CRACD: variants seen among roughly 807,000 people sequenced by gnomAD.
The protein encoded by CRACD is capping protein inhibiting regulator of actin dynamics, also known as capping protein-inhibiting regulator of actin dynamics.
CRACD carries 56 observed loss-of-function variants against 106.8 expected under a neutral mutation model. The observed-to-expected ratio is 0.52, with a 90% CI of 0.42 to 0.66. The LOEUF (loss-of-function observed/expected upper bound fraction) is 0.66. CRACD is among the 30% of genes least tolerant of loss of function. The pLI is 0.00. For missense variants in CRACD, 1,730 were observed against 1,623.2 expected, an observed-to-expected ratio of 1.07 and a Z score of -1.13; for synonymous variants, 754 against 670.8, an observed-to-expected ratio of 1.12 and a Z score of -1.92.
intron 2 of CRACD, among the ~76,000 whole-genome samples, chr4:56,226,035 G>A (rs1472033977): frequency 6.6e-6 from 1 of 152,088 alleles, no homozygotes; most frequent in Non-Finnish European, 1.5e-5. Context: ...ATGGAACCCT[G>A]AAAGTGAAAT....
intron 2 of CRACD, among the ~76,000 whole-genome samples, chr4:56,267,670 T>G (rs1436452765): frequency 6.6e-6 from 1 of 152,132 alleles, no homozygotes; most frequent in Admixed American, 6.5e-5. Flanking sequence ...CCAGTTAGGT[T>G]TTACTGTTCT....
intron 2 of CRACD, among the ~76,000 whole-genome samples, chr4:56,258,142 T>G (rs1224104835): frequency 6.6e-6 from 1 of 151,980 alleles, no homozygotes; most frequent in Non-Finnish European, 1.5e-5. Context: ...AGGTTTCATC[T>G]GCATAAGAAG....
At chr4:56,306,752 T>C (rs1300470491) in intron 4 of CRACD, among the ~76,000 whole-genome samples, 1 of 152,050 alleles carries the variant, frequency 6.6e-6, no homozygotes, top group Non-Finnish European at 1.5e-5. Context: ...TACCCCATTT[T>C]CCCCTCCCTT....
intron 1 of CRACD, among the ~76,000 whole-genome samples, chr4:56,054,282 G>C (rs1205731077): frequency 1.3e-5 from 2 of 152,152 alleles, no homozygotes; most frequent in East Asian, 3.9e-4. Context: ...CTGGGCTCAA[G>C]TGATCCTCCT....
At chr4:56,072,368 G>A (rs566728249) in intron 1 of CRACD, among the ~76,000 whole-genome samples, 4 of 152,188 alleles carry the variant, frequency 2.6e-5, no homozygotes, top group African/African-American at 4.8e-5. Flanking sequence ...AGACTGATTC[G>A]CTTTGTCAGA....
chr4:56,315,573 T>G lies in CRACD; in HGVS notation c.2071T>G (p.Leu691Val). ...SDPRSSERDQ[L>V]RPGDESTPRG... is the part of the protein sequence containing the mutation. Reference sequence around the variant, plus strand: ...CCCGCGCAGCAGCGAGAGGGACCAGTTGAGGCCCGGTGATGAGTCCACTCC... The same window carrying G: ...CCCGCGCAGCAGCGAGAGGGACCAGGTGAGGCCCGGTGATGAGTCCACTCC... The change falls in exon 8 of 11, where the codon TTG (leucine) becomes GTG (valine). Residue 691 changes from leucine (L) to valine (V), a missense_variant. Leu to Val is a conservative substitution (Grantham distance 32). This residue lies in a region of CRACD where 1,620 missense variants were observed against 1,481.6 expected (regional missense o/e 1.09). Coordinates refer to ENST00000682029, the MANE Select transcript of CRACD (RefSeq NM_001393381.1). This position sits in a 1 kb window ranked among gnomAD's most constrained non-coding sequence, Gnocchi z 4.1. The G allele has an allele frequency of 6.2e-7, 1 of 1,614,020 alleles. No homozygotes were observed.
Position 56,329,488 on chromosome 4 carries a change from T to A in CRACD, c.*1684T>A, listed in dbSNP as rs982182564. 1.3e-5 allele frequency among the ~76,000 whole-genome samples: 2 copies of A among 152,228 alleles called. No homozygotes were observed. Among genetic ancestry groups the A allele is most frequent in the Non-Finnish European group, 2.9e-5 (2 of 68,026 alleles). On this transcript the variant is annotated 3_prime_UTR_variant, in exon 11 of 11. Transcript: ENST00000682029. ...TCTAGAAACAATAGCTCAGCCTCAC[T>A]GTAGCAGCTGGCATGTGTGGTCAAG...
chr4:56,226,241 AT>A (rs554720639), intron 2 of CRACD, among the ~76,000 whole-genome samples: 29 of 152,156 alleles, frequency 1.9e-4, no homozygotes, highest in Non-Finnish European at 3.7e-4. Flanking sequence ...ATATTTGATG[AT>A]TTGGTGAACT....
chr4:56,055,012 A>G (rs2899054), intron 1 of CRACD, among the ~76,000 whole-genome samples: 53,347 of 152,106 alleles, frequency 0.35, 10,432 homozygotes, highest in African/African-American at 0.53. Flanking sequence ...CAGAAGCTGC[A>G]TCCCTGAAAC....
At chr4:56,242,001 T>G (rs928122977) in intron 2 of CRACD, among the ~76,000 whole-genome samples, 13 of 152,176 alleles carry the variant, frequency 8.5e-5, no homozygotes, top group African/African-American at 4.8e-5. Flanking sequence ...TGTTAAAAAT[T>G]TTTTATATTA....
chr4:56,122,913 G>T (rs1158876849), intron 1 of CRACD, among the ~76,000 whole-genome samples: 2 of 152,120 alleles, frequency 1.3e-5, no homozygotes, highest in South Asian at 2.1e-4. Context: ...TTGCTATTCT[G>T]CATCTTGGTA....
chr4:56,229,928 C>A (rs953683410), intron 2 of CRACD, among the ~76,000 whole-genome samples: 1 of 152,164 alleles, frequency 6.6e-6, no homozygotes. Context: ...GGAAAAACAA[C>A]TAACAGGGTA....
chr4:56,196,131 A>C (rs976228902), intron 2 of CRACD, among the ~76,000 whole-genome samples: 1 of 152,204 alleles, frequency 6.6e-6, no homozygotes, highest in East Asian at 1.9e-4. Context: ...GTGAAAAGCA[A>C]TAATAATGTC....
chr4:56,165,380 A>G (rs561506876), intron 1 of CRACD, among the ~76,000 whole-genome samples: 2 of 152,330 alleles, frequency 1.3e-5, no homozygotes, highest in Non-Finnish European at 2.9e-5. Flanking sequence ...ACTGTGTGCC[A>G]GGTGCTATGT....
intron 1 of CRACD, among the ~76,000 whole-genome samples, chr4:56,053,739 T>C (rs113224153): frequency 6.6e-6 from 1 of 152,330 alleles, no homozygotes; most frequent in African/African-American, 2.4e-5. Flanking sequence ...TGAATTAAGG[T>C]TAGTGTTTTC....
rs148661698 is a variant in CRACD at position 56,268,761 on chromosome 4, C to T, written c.-188-3560C>T. Among the ~76,000 whole-genome samples the T allele has an allele frequency of 7.0e-4, 106 of 152,272 alleles. 1 individual carries two copies. The East Asian group carries it at 8.1e-3, about 12-fold the overall frequency. On this transcript the variant is annotated intron_variant, in intron 2 of 10. Transcript: ENST00000682029. Reference sequence around the variant, plus strand: ...TGTGGTGCCTTACAGAATGTTTTTACATTTAAATTTTAAAAAATCAACCTT... The same window carrying T: ...TGTGGTGCCTTACAGAATGTTTTTATATTTAAATTTTAAAAAATCAACCTT...
intron 1 of CRACD, among the ~76,000 whole-genome samples, chr4:56,163,326 A>T (rs937710575): frequency 1.4e-4 from 22 of 152,328 alleles, no homozygotes; most frequent in African/African-American, 4.6e-4. Flanking sequence ...ATTGATACAT[A>T]ATATTTTTCC....
Position 56,323,420 on chromosome 4 carries a change from A to T in CRACD, c.3231A>T (p.Lys1077Asn), listed in dbSNP as rs1746230406. Reference protein sequence around the residue: ...LQSRHSLDGSKLTEKVETAQP... With the variant: ...LQSRHSLDGSNLTEKVETAQP... ...GCAGACACTCCTTAGATGGCTCCAA[A>T]CTTACAGAGAAAGTGGAAACTGCTC... Residue 1077 changes from lysine (K) to asparagine (N), a missense_variant, in exon 9 of 11, where the codon AAA (lysine) becomes AAT (asparagine). By Grantham distance (94) the Lys-to-Asn change is moderately conservative. Transcript: ENST00000682029. The T allele has an allele frequency of 6.2e-7, 1 of 1,611,390 alleles. No homozygotes were observed. The highest frequency in any genetic ancestry group is 1.1e-5 in the South Asian group (1 of 90,544).
At chr4:56,096,613 C>A (rs1343820851) in intron 1 of CRACD, among the ~76,000 whole-genome samples, 1 of 150,742 alleles carries the variant, frequency 6.6e-6, no homozygotes, top group African/African-American at 2.4e-5. Context: ...GCCTGGTCAA[C>A]AGAGTGAGAC....
Sources: gnomAD v4.1 joint callset for allele counts (sites outside exome capture counted in the v4.1 genomes callset) on GRCh38, gnomAD v4.1.1 for gene constraint, gnomAD v4.1.1 regional missense constraint, Gnocchi (gnomAD v3.1) non-coding constraint, MANE v1.5 for transcripts, NCBI Gene and HGNC (gene_info 2026-07-23, HGNC 2026-07-21) for gene names.